ERC2: variants seen among roughly 807,000 people sequenced by gnomAD.
ERC2 encodes the protein ERC protein 2.
In ERC2, 42 loss-of-function variants were observed where a neutral mutation model predicts 114.8. That is an observed-to-expected ratio of 0.37 (90% CI 0.29 to 0.47). ERC2 has a LOEUF of 0.47. Ranked by LOEUF, ERC2 falls within the 20% of genes least tolerant of loss-of-function variation. The pLI is 0.99. For synonymous variants in ERC2, 454 were observed against 425.5 expected (o/e 1.07, Z -0.82); for missense variants, 939 against 1,150.7 (o/e 0.82, Z 2.66).
intron 13 of ERC2, among the ~76,000 whole-genome samples, chr3:55,915,854 G>A (rs1046705091): frequency 6.6e-6 from 1 of 152,020 alleles, no homozygotes; most frequent in African/African-American, 2.4e-5. Context: ...GGATAAGTAA[G>A]GTCCTAAAAT....
At chr3:56,012,669 G>A (rs2073036108) in intron 8 of ERC2, among the ~76,000 whole-genome samples, 1 of 152,122 alleles carries the variant, frequency 6.6e-6, no homozygotes, top group Non-Finnish European at 1.5e-5. Flanking sequence ...ACTATTGACT[G>A]GGCATTGATG....
At chr3:56,253,994 A>T (rs911248569) in intron 3 of ERC2, among the ~76,000 whole-genome samples, 20 of 152,388 alleles carry the variant, frequency 1.3e-4, no homozygotes, top group African/African-American at 4.6e-4. Context: ...TAATACCTGC[A>T]TATAGGATTG....
At chr3:56,220,186 C>A (rs867430005) in intron 3 of ERC2, among the ~76,000 whole-genome samples, 2 of 152,172 alleles carry the variant, frequency 1.3e-5, no homozygotes, top group Middle Eastern at 3.2e-3. Context: ...AGACCAGCAG[C>A]ACACACAGGG....
intron 14 of ERC2, among the ~76,000 whole-genome samples, chr3:55,829,962 G>C (rs1575747412): frequency 6.6e-6 from 1 of 152,084 alleles, no homozygotes; most frequent in East Asian, 1.9e-4. Flanking sequence ...TCAAAAAGTA[G>C]AGCCAACTTC....
At chr3:55,644,031 G>T (rs2060295145) in intron 17 of ERC2, among the ~76,000 whole-genome samples, 1 of 152,016 alleles carries the variant, frequency 6.6e-6, no homozygotes, top group Non-Finnish European at 1.5e-5. Flanking sequence ...GATGAAAGGG[G>T]TCAAGCAGAT....
rs554334620 is a variant in ERC2, at chr3:56,144,960, G to C, written c.1305+4017C>G. Among the ~76,000 whole-genome samples the C allele has an allele frequency of 1.8e-3, 273 of 152,252 alleles. 5 individuals carry two copies. The highest frequency in any genetic ancestry group is 6.1e-3 in the African/African-American group (255 of 41,550). On this transcript the variant is annotated intron_variant, in intron 5 of 17. Transcript: ENST00000288221. The stretch of plus-strand genomic sequence containing the variant: ...AACATACATGAGAACTGAGGCCAGG[G>C]AAGGTCTGTCTCTGTGACAGCCAGA...
At chr3:55,787,403 T>A (rs1026792521) in intron 14 of ERC2, among the ~76,000 whole-genome samples, 3 of 152,010 alleles carry the variant, frequency 2.0e-5, no homozygotes, top group African/African-American at 7.3e-5. Flanking sequence ...GGTAACAGAG[T>A]GAGACCCTGC....
At chr3:56,119,561 A>G (rs928049012) in intron 6 of ERC2, among the ~76,000 whole-genome samples, 1 of 152,196 alleles carries the variant, frequency 6.6e-6, no homozygotes, top group Non-Finnish European at 1.5e-5. Context: ...CATAGTGCTT[A>G]GCTTCCTTTT....
intron 3 of ERC2, among the ~76,000 whole-genome samples, chr3:56,213,367 T>C (rs1372724780): frequency 6.6e-6 from 1 of 152,172 alleles, no homozygotes; most frequent in Non-Finnish European, 1.5e-5. Flanking sequence ...CAGGAGATTA[T>C]ATCCTGTGTC....
At chr3:56,061,440 C>T (rs1484190325) in intron 7 of ERC2, among the ~76,000 whole-genome samples, 2 of 152,154 alleles carry the variant, frequency 1.3e-5, no homozygotes, top group African/African-American at 4.8e-5. Context: ...TCTAACCAAA[C>T]TAGTTTGTCA....
intron 2 of ERC2, among the ~76,000 whole-genome samples, chr3:56,335,666 A>C (rs1345482787): frequency 6.6e-6 from 1 of 152,244 alleles, no homozygotes; most frequent in African/African-American, 2.4e-5. Flanking sequence ...AAAAATACGT[A>C]TTAAAATTCC....
At chr3:56,175,626 C>T (rs1420974524) in intron 3 of ERC2, among the ~76,000 whole-genome samples, 2 of 152,080 alleles carry the variant, frequency 1.3e-5, no homozygotes, top group South Asian at 2.1e-4. Flanking sequence ...GTGGTGAGTA[C>T]AGTAGGCTGC....
chr3:56,261,296 A>G (rs1327722667), intron 3 of ERC2, among the ~76,000 whole-genome samples: 1 of 152,180 alleles, frequency 6.6e-6, no homozygotes, highest in Non-Finnish European at 1.5e-5. Context: ...ATATTTAATA[A>G]TTGAGATTAT....
chr3:56,047,935 A>G (rs765796096), intron 7 of ERC2, among the ~76,000 whole-genome samples: 8 of 152,190 alleles, frequency 5.3e-5, no homozygotes, highest in Non-Finnish European at 1.0e-4. Flanking sequence ...CAGCTTCTAT[A>G]TTATAGGGCC....
chr3:55,827,708 A>G (rs531416598), intron 14 of ERC2, among the ~76,000 whole-genome samples: 2 of 152,332 alleles, frequency 1.3e-5, no homozygotes, highest in South Asian at 4.1e-4. Context: ...CCCTGAAACC[A>G]TGATCCTACC....
At chr3:55,838,619 T>C (rs899044288) in intron 14 of ERC2, among the ~76,000 whole-genome samples, 1 of 151,828 alleles carries the variant, frequency 6.6e-6, no homozygotes, top group Non-Finnish European at 1.5e-5. Context: ...ATCAATCAAA[T>C]TGAAATTAGA....
chr3:56,458,307 C>A (rs970003291), intron 1 of ERC2, among the ~76,000 whole-genome samples: 2 of 151,970 alleles, frequency 1.3e-5, no homozygotes, highest in African/African-American at 2.4e-5. Flanking sequence ...AAACAGAGAT[C>A]CCAAATAAGG....
At chr3:56,086,044 C>G (rs984877427) in intron 6 of ERC2, among the ~76,000 whole-genome samples, 2 of 152,106 alleles carry the variant, frequency 1.3e-5, no homozygotes, top group Non-Finnish European at 2.9e-5. Flanking sequence ...GAGTCAAGGG[C>G]TCTTAAAATT....
chr3:56,308,796 T>A (rs1330248184), intron 2 of ERC2, among the ~76,000 whole-genome samples: 1 of 89,542 alleles, frequency 1.1e-5, no homozygotes, highest in Non-Finnish European at 2.9e-5. Flanking sequence ...GTCGTGAAGT[T>A]TTTTTTTTTA....
Sources: allele counts gnomAD v4.1 joint callset (sites outside exome capture counted in the v4.1 genomes callset), GRCh38; gene constraint gnomAD v4.1.1; transcripts MANE v1.5; gene names NCBI Gene and HGNC (gene_info 2026-07-23, HGNC 2026-07-21).